Variants in TPT1 observed in about 807,000 individuals in gnomAD.
TPT1 encodes translationally-controlled tumor protein.
Under a neutral mutation model 22.8 loss-of-function variants are expected in TPT1, and 5 were observed. The observed-to-expected ratio is 0.22, with a 90% CI of 0.11 to 0.46. The LOEUF (loss-of-function observed/expected upper bound fraction) is 0.46, where lower values mean the gene tolerates loss of function less well. Among genes scored for constraint, TPT1 ranks in the 20% least tolerant of loss-of-function variants. TPT1 has a pLI of 0.99. For missense variants in TPT1, 130 were observed against 218.7 expected, an observed-to-expected ratio of 0.59 and a Z score of 2.56; for synonymous variants, 89 against 73.6, an observed-to-expected ratio of 1.21 and a Z score of -1.07.
chr13:45,338,074 T>C (rs1394643974), intron 5 of TPT1: 6 of 161,782 alleles, frequency 3.7e-5, no homozygotes, highest in Admixed American at 1.2e-4. Flanking sequence ...AGTGAGGCCA[T>C]ATCTAGAGGA....
At chr13:45,340,326 C>T in intron 2 of TPT1, 142 bp from the exon 3 acceptor site, 1 of 1,149,040 alleles carries the variant, frequency 8.7e-7, no homozygotes, top group Non-Finnish European at 1.3e-6. Flanking sequence ...AAGTTGTGAC[C>T]CGTGGATTTC....
At position 45,341,168 on chromosome 13, in the gene TPT1, G is replaced by T; in HGVS notation, c.-99C>A. 6.5e-7 allele frequency: 1 copy of T among 1,535,036 alleles called. No homozygotes were observed. The highest frequency in any genetic ancestry group is 8.9e-7 in the Non-Finnish European group (1 of 1,128,350). On this transcript the variant is annotated 5_prime_UTR_variant, in exon 1 of 6. Coordinates refer to ENST00000530705, the MANE Select transcript of TPT1 (RefSeq NM_003295.4). ...CCGGAGCGGCGCTCGGGGGGAGGGG[G>T]GAGCGGGCGGAAAAGGCCGACTCAG...
chr13:45,338,807 G>T, intron 4 of TPT1, 31 bp from the exon 5 acceptor site: 1 of 1,533,258 alleles, frequency 6.5e-7, no homozygotes, highest in Non-Finnish European at 8.8e-7. Context: ...CCTAGAATTA[G>T]ACTATTACAT....
chr13:45,339,933 A>T, intron 3 of TPT1, 61 bp downstream of exon 3: 1 of 1,566,744 alleles, frequency 6.4e-7, no homozygotes, highest in Non-Finnish European at 8.7e-7. Flanking sequence ...CTCAAAAGTT[A>T]GCCAATCTTT....
In TPT1 at chr13:45,341,017, T is replaced by C. The variant is rs1160257876; in HGVS notation, c.28+25A>G. The C allele has an allele frequency of 3.8e-6, 6 of 1,594,742 alleles. No homozygotes were observed. In the South Asian group the frequency reaches 5.5e-5, roughly 15 times the overall value. On this transcript the variant is annotated intron_variant, in intron 1 of 5. Coordinates refer to ENST00000530705, the MANE Select transcript of TPT1 (RefSeq NM_003295.4). The stretch of plus-strand genomic sequence containing the variant: ...CACCCCAGACCCCCGTGTGCGGCAG[T>C]AAGGATAGTGCAGTGAGGACTCACG...
In TPT1 at chr13:45,340,085, T is replaced by A; in HGVS notation, c.202A>T (p.Thr68Ser). ...TGGTTCATGACAATATCGACACCAG[T>A]GATTACTGTGCTTTCGGTACCTTCG... ...EGEGTESTVI[T>S]GVDIVMNHHL... The change falls in exon 3 of 6, where the codon ACT (threonine) becomes TCT (serine). Residue 68 changes from threonine to serine, a missense_variant. Physicochemically the swap from Thr to Ser is moderately conservative, Grantham distance 58. Transcript: ENST00000530705. 1.2e-6 allele frequency: 2 copies of A among 1,614,226 alleles called. No individual in the cohort carries two copies. The highest frequency in any genetic ancestry group is 3.3e-4 in the Middle Eastern group (2 of 6,062).
chr13:45,337,488 T>TC, intron 5 of TPT1, 100 bp from the exon 6 acceptor site: 5 of 1,614,120 alleles, frequency 3.1e-6, no homozygotes, highest in Non-Finnish European at 4.2e-6. Flanking sequence ...AAAGATGTAT[T>TC]CCCCAATTCA....
intron 3 of TPT1, 183 bp from the exon 4 acceptor site, chr13:45,339,785 A>G: frequency 2.7e-6 from 2 of 752,826 alleles, no homozygotes; most frequent in South Asian, 2.0e-5. Flanking sequence ...CTATTTTCAA[A>G]ATACTATTCT....
chr13:45,337,445 T>C, intron 5 of TPT1, 57 bp from the exon 6 acceptor site: 1 of 1,614,142 alleles, frequency 6.2e-7, no homozygotes, highest in South Asian at 1.1e-5. Flanking sequence ...AAAAGTTACA[T>C]TACCATTAAC....
rs1314090097 is a variant in TPT1, at chr13:45,341,131, A to G, written c.-62T>C. 4 of 1,598,608 alleles carry G rather than the reference A, an allele frequency of 2.5e-6. No homozygotes were observed. The highest frequency in any genetic ancestry group is 3.4e-6 in the Non-Finnish European group (4 of 1,173,100). On this transcript the variant is annotated 5_prime_UTR_variant, in exon 1 of 6. Transcript: ENST00000530705. ...TAGCACGAGCCTGAAACTCGGAGCG[A>G]GCGCGGTGCAGCCGGAGCGGCGCTC...
intron 2 of TPT1, 22 bp downstream of exon 2, chr13:45,340,690 C>A (rs1201661191): frequency 1.3e-6 from 2 of 1,553,882 alleles, no homozygotes; most frequent in African/African-American, 2.7e-5. Flanking sequence ...GACTCCCCCA[C>A]GCGCAGGCCC....
intron 3 of TPT1, 151 bp downstream of exon 3, chr13:45,339,843 G>T: frequency 1.1e-6 from 1 of 916,250 alleles, no homozygotes. Context: ...TCATATTATA[G>T]AAAAGCAACC....
Position 45,341,087 on chromosome 13 carries a change from G to A in TPT1, c.-18C>T, listed in dbSNP as rs1405042313. The A allele has an allele frequency of 1.9e-6, 3 of 1,612,722 alleles. No individual in the cohort carries two copies. The highest frequency in any genetic ancestry group is 2.7e-5 in the African/African-American group (2 of 74,896). On this transcript the variant is annotated 5_prime_UTR_variant, in exon 1 of 6. Coordinates refer to ENST00000530705, the MANE Select transcript of TPT1 (RefSeq NM_003295.4). ...ATAATCATGATGGCGACTGAAGGGA[G>A]ACGACGACGGCGCTAGCTTAGCACG... is the stretch of plus-strand genomic sequence containing the variant.
rs1262345942 is a variant in TPT1, at chr13:45,333,548, G to C, written c.*3838C>G. On this transcript the variant is annotated 3_prime_UTR_variant, in exon 6 of 6. Transcript: ENST00000530705. The stretch of plus-strand genomic sequence containing the variant: ...ACCATAATTATCACCAGTTTAGTTT[G>C]CAGTTAAGTTACTGACAATCCCTGC... The C allele has an allele frequency of 6.6e-6, 1 of 152,146 alleles. No individual in the cohort carries two copies. The highest frequency in any genetic ancestry group is 2.4e-5 in the African/African-American group (1 of 41,424). The allele number at this position is 152,146 out of a possible 1,614,324, so 9.4% of individuals were successfully genotyped here.
At chr13:45,340,596 A>T (rs1267812119) in intron 2 of TPT1, 116 bp downstream of exon 2, 1 of 1,221,538 alleles carries the variant, frequency 8.2e-7, no homozygotes. Context: ...GCCCGGAAAG[A>T]GCGTCTCCTC....
chr13:45,339,630 A>T (rs1878946682), intron 3 of TPT1, 28 bp from the exon 4 acceptor site: 1 of 1,559,284 alleles, frequency 6.4e-7, no homozygotes, highest in Non-Finnish European at 8.7e-7. Context: ...TAACAGGTTG[A>T]AGTATTGAAT....
chr13:45,340,918 A>AC (rs1879080143), intron 1 of TPT1, 124 bp downstream of exon 1: 1 of 1,514,746 alleles, frequency 6.6e-7, no homozygotes, highest in Non-Finnish European at 8.9e-7. Context: ...CCGGGCACCG[A>AC]CCCCTCCGCG....
At chr13:45,338,125 C>CT (rs1183899460) in intron 5 of TPT1, 1 of 160,146 alleles carries the variant, frequency 6.2e-6, no homozygotes, top group Admixed American at 6.2e-5. Flanking sequence ...CATTTAAACT[C>CT]TACTGTATTT....
chr13:45,337,646 G>C, intron 5 of TPT1: 1 of 1,372,900 alleles, frequency 7.3e-7, no homozygotes, highest in Non-Finnish European at 1.0e-6. Context: ...TCATTTTTCA[G>C]AAGGCTGTGG....
Sources: gnomAD v4.1 joint callset for allele counts on GRCh38, gnomAD v4.1.1 for gene constraint, MANE v1.5 for transcripts, NCBI Gene and HGNC (gene_info 2026-07-23, HGNC 2026-07-21) for gene names.